Variants in MIA2 observed in about 807,000 individuals in gnomAD.
MIA2 encodes the protein MIA SH3 domain ER export factor 2, also known as melanoma inhibitory activity protein 2.
Under a neutral mutation model 167.8 loss-of-function variants are expected in MIA2, and 127 were observed. The ratio of observed to expected loss-of-function variants is 0.76; its 90% CI spans 0.66 to 0.88. The LOEUF (loss-of-function observed/expected upper bound fraction) is 0.88. Among genes scored for constraint, MIA2 ranks in the 40% least tolerant of loss-of-function variants. MIA2 has a pLI of 0.00. For synonymous variants in MIA2, 552 were observed against 541.9 expected (o/e 1.02, Z -0.26); for missense variants, 1,690 against 1,624.7 (o/e 1.04, Z -0.69).
intron 17 of MIA2, among the ~76,000 whole-genome samples, chr14:39,308,142 T>G (rs765235483): frequency 9.2e-5 from 14 of 152,180 alleles, no homozygotes; most frequent in Non-Finnish European, 1.9e-4. Context: ...TGAATGTTCA[T>G]AACATAAAGA....
intron 24 of MIA2, among the ~76,000 whole-genome samples, chr14:39,324,731 C>T (rs919912527): frequency 3.3e-5 from 5 of 151,864 alleles, no homozygotes; most frequent in South Asian, 2.1e-4. Flanking sequence ...CTTAGCTTCC[C>T]GAGTAGCTGG....
In MIA2 at chr14:39,236,962, A is replaced by G. The variant is rs767796178; in HGVS notation, c.156A>G (p.Gly52=). The change falls in exon 2 of 29, where the codon GGA becomes GGG. Residue 52 remains glycine (G), a synonymous_variant. Transcript: ENST00000640607. ...TCTCAGCCATGAGAGATTATAGAGG[A>G]CCTGACTGCCGATACCTGAACTTCA... The part of the protein sequence containing the change: ...NRVSAMRDYR[G]PDCRYLNFTK... The G allele has an allele frequency of 6.2e-7, 1 of 1,613,974 alleles. No homozygotes were observed. Among genetic ancestry groups the G allele is most frequent in the South Asian group, 1.1e-5 (1 of 91,062 alleles).
intron 3 of MIA2, among the ~76,000 whole-genome samples, chr14:39,243,790 C>T (rs1429636595): frequency 2.0e-5 from 3 of 152,216 alleles, no homozygotes; most frequent in South Asian, 2.1e-4. Context: ...TGCTTGAACC[C>T]GGGAGGCAGA....
intron 7 of MIA2, 149 bp downstream of exon 7, chr14:39,277,214 A>T (rs1344834965): frequency 9.6e-6 from 10 of 1,036,812 alleles, no homozygotes; most frequent in East Asian, 2.8e-5. Context: ...TGTTTTTTTT[A>T]AAAGAGATGA....
chr14:39,334,385 G>T (rs2069777486), intron 25 of MIA2, among the ~76,000 whole-genome samples: 1 of 151,724 alleles, frequency 6.6e-6, no homozygotes, highest in African/African-American at 2.4e-5. Context: ...TGAGGCAGGA[G>T]AATTGCTTGA....
chr14:39,359,235 T>C (rs2074615077), intron 23 of MIA2, among the ~76,000 whole-genome samples: 1 of 152,148 alleles, frequency 6.6e-6, no homozygotes, highest in Non-Finnish European at 1.5e-5. Context: ...GTTTACCTGC[T>C]CAAGCCTCAG....
intron 13 of MIA2, among the ~76,000 whole-genome samples, 165 bp from the exon 14 acceptor site, chr14:39,299,699 A>T (rs2062087487): frequency 6.6e-6 from 1 of 152,198 alleles, no homozygotes; most frequent in Non-Finnish European, 1.5e-5. Context: ...ATATGATATA[A>T]ACTAGTTGAA....
At chr14:39,297,066 C>G (rs929410424) in intron 13 of MIA2, among the ~76,000 whole-genome samples, 1 of 151,850 alleles carries the variant, frequency 6.6e-6, no homozygotes, top group Non-Finnish European at 1.5e-5. Flanking sequence ...CGCGAGCCAC[C>G]ACGCCCGGCT....
intron 21 of MIA2, 87 bp downstream of exon 21, chr14:39,315,805 A>G (rs1406546813): frequency 1.2e-6 from 1 of 868,968 alleles, no homozygotes; most frequent in Non-Finnish European, 1.8e-6. Flanking sequence ...AGATGAAAAT[A>G]AATATAGTAT....
chr14:39,386,317 A>G (rs983832161), intron 23 of MIA2: 34 of 1,489,816 alleles, frequency 2.3e-5, no homozygotes, highest in Non-Finnish European at 2.7e-5. Flanking sequence ...CTGTGCTGGG[A>G]CCATCACTGA....
chr14:39,244,922 G>A (rs559486847), intron 3 of MIA2, among the ~76,000 whole-genome samples: 10 of 151,862 alleles, frequency 6.6e-5, no homozygotes, highest in Admixed American at 1.3e-4. Context: ...GGACTACAGC[G>A]CATGCCACTA....
At chr14:39,312,985 C>G (rs914505153) in intron 18 of MIA2, among the ~76,000 whole-genome samples, 4 of 151,990 alleles carry the variant, frequency 2.6e-5, no homozygotes, top group Admixed American at 2.6e-4. Context: ...TAATTGGTGA[C>G]TTCTTACTAG....
intron 25 of MIA2, among the ~76,000 whole-genome samples, chr14:39,329,114 C>T (rs995602481): frequency 6.6e-6 from 1 of 151,528 alleles, no homozygotes; most frequent in Non-Finnish European, 1.5e-5. Flanking sequence ...AATGTTTCTT[C>T]TTTTGTTTGT....
chr14:39,286,282 G>A (rs1425160301), intron 9 of MIA2, among the ~76,000 whole-genome samples: 1 of 151,908 alleles, frequency 6.6e-6, no homozygotes, highest in African/African-American at 2.4e-5. Context: ...GTCTCCACCA[G>A]AAAAATATGA....
Position 39,288,446 on chromosome 14 carries a change from TATATATATATATATATATATA to T in MIA2, c.2131-2572_2131-2552del, listed in dbSNP as rs1470922332. On this transcript the variant is annotated intron_variant, in intron 9 of 28. Coordinates refer to ENST00000640607, the MANE Select transcript of MIA2 (RefSeq NM_001329214.4). ...TATATATTATACATATATATATATA[TATATATATATATATATATATA>T]TATATATATTTTTTTTTTTTTTTTT... Among the ~76,000 whole-genome samples, 140 of 28,090 alleles carry T rather than the reference TATATATATATATATATATATA, an allele frequency of 5.0e-3. 6 individuals carry two copies. Among genetic ancestry groups the T allele is most frequent in the South Asian group, 9.4e-3 (9 of 958 alleles). The allele number at this position is 28,090 out of a possible 152,430, so 18.4% of individuals were successfully genotyped here.
chr14:39,310,377 GAT>G (rs1253469318), intron 18 of MIA2, among the ~76,000 whole-genome samples: 1 of 152,150 alleles, frequency 6.6e-6, no homozygotes, highest in African/African-American at 2.4e-5. Flanking sequence ...AGAATGCTGT[GAT>G]ATGTGTTATG....
intron 9 of MIA2, among the ~76,000 whole-genome samples, chr14:39,288,451 A>ATTTTTTTTTTTTTT (rs1566746956): frequency 2.3e-4 from 2 of 8,794 alleles, no homozygotes; most frequent in African/African-American, 4.1e-4. Context: ...ATATATATAT[A>ATTTTTTTTTTTTTT]TATATATATA....
chr14:39,264,434 A>T (rs1258879090), intron 6 of MIA2, among the ~76,000 whole-genome samples: 1 of 152,176 alleles, frequency 6.6e-6, no homozygotes, highest in Non-Finnish European at 1.5e-5. Context: ...TTGTTAGAAC[A>T]ATTTACTTTC....
intron 25 of MIA2, among the ~76,000 whole-genome samples, chr14:39,336,570 T>C (rs2070461492): frequency 6.6e-6 from 1 of 152,212 alleles, no homozygotes; most frequent in Non-Finnish European, 1.5e-5. Context: ...TACAAAGTTT[T>C]GTACAGTGTT....
Sources: gnomAD v4.1 joint callset for allele counts (sites outside exome capture counted in the v4.1 genomes callset) on GRCh38, gnomAD v4.1.1 for gene constraint, MANE v1.5 for transcripts, NCBI Gene and HGNC (gene_info 2026-07-23, HGNC 2026-07-21) for gene names.